The following STK3 variants were observed in gnomAD, a reference collection of about 807,000 sequenced individuals.
STK3 encodes serine/threonine-protein kinase 3.
In STK3, 41 loss-of-function variants were observed where a neutral mutation model predicts 58.0. That is an observed-to-expected ratio of 0.71 (90% CI 0.55 to 0.92). STK3 has a LOEUF of 0.92. Among genes scored for constraint, STK3 ranks in the 40% least tolerant of loss-of-function variants. The probability of loss-of-function intolerance (pLI) is 0.00; values close to 1 mark genes in which losing one functional copy is unlikely to be tolerated. For synonymous variants in STK3, 170 were observed against 191.0 expected (o/e 0.89, Z 0.91); for missense variants, 479 against 602.7 (o/e 0.79, Z 2.15).
chr8:98,900,107 C>G (rs1439242989), intron 1 of STK3, among the ~76,000 whole-genome samples: 1 of 152,156 alleles, frequency 6.6e-6, no homozygotes, highest in East Asian at 1.9e-4. Context: ...GACAGGGTCT[C>G]CCTCTGTCGC....
chr8:98,914,122 A>G (rs949274567), intron 1 of STK3, among the ~76,000 whole-genome samples: 3 of 151,966 alleles, frequency 2.0e-5, no homozygotes, highest in East Asian at 1.9e-4. Context: ...CTGCACTTGT[A>G]CTCCCTAAAT....
intron 10 of STK3, among the ~76,000 whole-genome samples, chr8:98,496,793 T>C (rs1823167899): frequency 6.6e-6 from 1 of 151,992 alleles, no homozygotes; most frequent in Non-Finnish European, 1.5e-5. Context: ...GAAAGTATAA[T>C]GGTGGTTGCC....
intron 6 of STK3, among the ~76,000 whole-genome samples, chr8:98,658,617 G>A (rs1318712013): frequency 4.0e-5 from 6 of 151,486 alleles, no homozygotes; most frequent in African/African-American, 9.7e-5. Flanking sequence ...TCTTGCTGAC[G>A]CTTCCCTTCT....
At chr8:98,356,119 G>T in the STK3 span, among the ~76,000 whole-genome samples, 1 of 152,348 alleles carries the variant, frequency 6.6e-6, no homozygotes, top group East Asian at 1.9e-4. Flanking sequence ...TTGGGCTGGG[G>T]TTAGCAGCAT....
chr8:98,893,476 A>AAGAG (rs1192454477), intron 1 of STK3, among the ~76,000 whole-genome samples: 12 of 69,772 alleles, frequency 1.7e-4, no homozygotes, highest in African/African-American at 6.8e-4. Flanking sequence ...GAAAGAAAGA[A>AAGAG]AGAAAGAAAG....
intron 1 of STK3, among the ~76,000 whole-genome samples, chr8:98,942,081 G>A (rs1840454770): frequency 6.6e-6 from 1 of 152,254 alleles, no homozygotes; most frequent in African/African-American, 2.4e-5. Flanking sequence ...GGGGCGGGCG[G>A]CGAGCCTGGC....
chr8:98,535,450 T>C (rs1437750822), intron 9 of STK3, among the ~76,000 whole-genome samples: 1 of 139,400 alleles, frequency 7.2e-6, no homozygotes, highest in Non-Finnish European at 1.5e-5. Flanking sequence ...CACATTGCTT[T>C]CATTAATTTT....
At chr8:98,623,936 T>C (rs79397726) in intron 6 of STK3, among the ~76,000 whole-genome samples, 4,048 of 152,310 alleles carry the variant, frequency 0.027, 78 homozygotes, top group Middle Eastern at 0.065. Flanking sequence ...ACTGTTGTTG[T>C]TTAAATCACC....
chr8:98,623,249 TAAAG>T (rs1042397822), intron 6 of STK3, among the ~76,000 whole-genome samples: 1 of 151,634 alleles, frequency 6.6e-6, no homozygotes, highest in African/African-American at 2.4e-5. Context: ...AAAAAAGACA[TAAAG>T]GAAGGAAGGA....
At chr8:98,787,686 G>A (rs1017889725) in intron 1 of STK3, among the ~76,000 whole-genome samples, 2 of 152,148 alleles carry the variant, frequency 1.3e-5, no homozygotes, top group African/African-American at 4.8e-5. Context: ...TGAGGAAAAA[G>A]CACCAGGTAA....
chr8:98,509,384 T>G (rs969144222), intron 10 of STK3, among the ~76,000 whole-genome samples: 1 of 152,040 alleles, frequency 6.6e-6, no homozygotes, highest in African/African-American at 2.4e-5. Context: ...AAATCTAGAT[T>G]CACAGCATTA....
At chr8:98,620,328 A>C (rs1302719075) in intron 6 of STK3, among the ~76,000 whole-genome samples, 1 of 98,366 alleles carries the variant, frequency 1.0e-5, no homozygotes, top group South Asian at 4.1e-4. Context: ...GGGTGAGGGG[A>C]GGGGGGAGGG....
At chr8:98,793,827 AC>A (rs1396722492) in intron 1 of STK3, among the ~76,000 whole-genome samples, 1 of 152,128 alleles carries the variant, frequency 6.6e-6, no homozygotes, top group Admixed American at 6.5e-5. Context: ...CAAAAAAAAA[AC>A]AAAATCATAC....
At chr8:98,819,313 C>A (rs899660678) in intron 1 of STK3, among the ~76,000 whole-genome samples, 3 of 151,862 alleles carry the variant, frequency 2.0e-5, no homozygotes, top group African/African-American at 7.3e-5. Context: ...ATGTTGAAAG[C>A]CAGTAATATA....
chr8:98,652,922 A>G (rs1821082824), intron 6 of STK3, among the ~76,000 whole-genome samples: 1 of 152,182 alleles, frequency 6.6e-6, no homozygotes, highest in Non-Finnish European at 1.5e-5. Context: ...AGACAGATCA[A>G]CCAGACAGAA....
downstream of STK3, chr8:98,882,404 C>A (rs981898319): frequency 2.1e-5 from 3 of 140,436 alleles, no homozygotes; most frequent in African/African-American, 5.3e-5. Flanking sequence ...CTCCTTCATA[C>A]CAATATCCTT....
chr8:98,423,877 G>A (rs1033539632), intron 3 of STK3, among the ~76,000 whole-genome samples: 3 of 152,072 alleles, frequency 2.0e-5, no homozygotes, highest in African/African-American at 4.8e-5. Flanking sequence ...GCAAGGATCT[G>A]GGCCACTGAC....
At chr8:98,805,801 C>A (rs1833855629) in intron 1 of STK3, among the ~76,000 whole-genome samples, 1 of 151,990 alleles carries the variant, frequency 6.6e-6, no homozygotes. Flanking sequence ...ACAGGCCCTA[C>A]CTCTATATCA....
rs189053132 is a variant in STK3, at chr8:98,587,978, T to C, written c.822+8054A>G. Among the ~76,000 whole-genome samples the C allele has an allele frequency of 9.2e-3, 1,397 of 152,268 alleles. 18 individuals carry two copies. The highest frequency in any genetic ancestry group is 0.032 in the African/African-American group (1,320 of 41,554). On this transcript the variant is annotated intron_variant, in intron 7 of 10. Transcript: ENST00000419617. The stretch of plus-strand genomic sequence containing the variant: ...AGATTTTCCTCCATCCTTGTATTTT[T>C]AGCCTATGTGTGTCTCTGCACGTGA...
Sources: gnomAD v4.1 joint callset for allele counts (sites outside exome capture counted in the v4.1 genomes callset) on GRCh38, gnomAD v4.1.1 for gene constraint, MANE v1.5 for transcripts, NCBI Gene and HGNC (gene_info 2026-07-23, HGNC 2026-07-21) for gene names.